SMIM13: variants seen among roughly 807,000 people sequenced by gnomAD.
SMIM13 encodes the protein UPF0766 protein C6orf228.
A neutral mutation model predicts 5.9 loss-of-function variants in SMIM13; 3 were observed. That is an observed-to-expected ratio of 0.51 (90% CI 0.23 to 1.31). The LOEUF (loss-of-function observed/expected upper bound fraction) is 1.31. SMIM13 is among the 40% of genes most tolerant of loss of function. The pLI, the probability that SMIM13 is intolerant of heterozygous loss-of-function variation, is 0.18. For missense variants in SMIM13, 85 were observed against 109.9 expected (o/e 0.77, Z 1.01); for synonymous variants, 55 against 46.0 (o/e 1.19, Z -0.79).
intron 1 of SMIM13, among the ~76,000 whole-genome samples, chr6:11,132,241 AGTCCT>A (rs1758459094): frequency 6.6e-6 from 1 of 152,202 alleles, no homozygotes. Flanking sequence ...GCCTGCTAGG[AGTCCT>A]GTAATAAAAA....
At chr6:11,104,173 T>C in intron 1 of SMIM13, 2 of 1,551,672 alleles carry the variant, frequency 1.3e-6, no homozygotes, top group Non-Finnish European at 1.7e-6. Context: ...TGGCTATAGG[T>C]GAGGGAAGCT....
chr6:11,123,970 AT>A (rs1758344549), intron 1 of SMIM13, among the ~76,000 whole-genome samples: 1 of 152,222 alleles, frequency 6.6e-6, no homozygotes, highest in South Asian at 2.1e-4. Flanking sequence ...TAAATGGGGT[AT>A]TCACTACCTC....
intron 1 of SMIM13, among the ~76,000 whole-genome samples, chr6:11,096,536 G>C (rs1036702935): frequency 6.6e-6 from 1 of 152,174 alleles, no homozygotes; most frequent in African/African-American, 2.4e-5. Context: ...CTCATCTTTT[G>C]ACTAGGATGG....
At chr6:11,108,910 G>A (rs1381824109) in intron 1 of SMIM13, among the ~76,000 whole-genome samples, 1 of 152,174 alleles carries the variant, frequency 6.6e-6, no homozygotes, top group East Asian at 1.9e-4. Context: ...AAAATGGTGA[G>A]GTTTTCATAA....
chr6:11,133,738 G>GT (rs80159629), intron 1 of SMIM13, among the ~76,000 whole-genome samples: 24,757 of 138,614 alleles, frequency 0.18, 2,240 homozygotes, highest in East Asian at 0.41. Flanking sequence ...AACAAAACTT[G>GT]TTTTTTTTTT....
At chr6:11,106,988 C>T (rs909103986) in intron 1 of SMIM13, among the ~76,000 whole-genome samples, 1 of 152,186 alleles carries the variant, frequency 6.6e-6, no homozygotes, top group Non-Finnish European at 1.5e-5. Context: ...CTTTCGTCAG[C>T]ACAGTGAGTT....
chr6:11,133,857 C>T (rs73449684), intron 1 of SMIM13, among the ~76,000 whole-genome samples: 1 of 151,412 alleles, frequency 6.6e-6, no homozygotes, highest in Non-Finnish European at 1.5e-5. Flanking sequence ...GGTGCCGTGG[C>T]TTTAGTCTTT....
chr6:11,119,434 C>A (rs1217469412), intron 1 of SMIM13, among the ~76,000 whole-genome samples: 1 of 152,100 alleles, frequency 6.6e-6, no homozygotes, highest in East Asian at 1.9e-4. Flanking sequence ...ACAGGCGAAT[C>A]ACGAGGTCAG....
chr6:11,110,449 A>G (rs553764833), intron 1 of SMIM13, among the ~76,000 whole-genome samples: 32 of 152,232 alleles, frequency 2.1e-4, no homozygotes, highest in Admixed American at 5.9e-4. Flanking sequence ...CTCATTTCCC[A>G]TGTTCTTTAA....
In SMIM13 at chr6:11,136,812, G is replaced by T. The variant is rs942404227; in HGVS notation, c.*2210G>T. Reference sequence around the variant, plus strand: ...TACTAGCTAAATATCATCTTAAAATGATTATCAGAAAAAAAAATAATGCCC... The same window carrying T: ...TACTAGCTAAATATCATCTTAAAATTATTATCAGAAAAAAAAATAATGCCC... On this transcript the variant is annotated 3_prime_UTR_variant, in exon 2 of 2. Transcript: ENST00000416247. The T allele has an allele frequency of 2.0e-5, 3 of 148,968 alleles. No homozygotes were observed. Among genetic ancestry groups the T allele is most frequent in the Non-Finnish European group, 4.5e-5 (3 of 67,194 alleles). The allele number at this position is 148,968 out of a possible 1,614,324, so 9.2% of individuals were successfully genotyped here.
chr6:11,097,567 T>C (rs6917680), intron 1 of SMIM13, among the ~76,000 whole-genome samples: 32,683 of 151,094 alleles, frequency 0.22, 3,876 homozygotes, highest in African/African-American at 0.31. Flanking sequence ...GCTCAGGAGG[T>C]TGAGGCAGGA....
At position 11,125,294 on chromosome 6, in the gene SMIM13, T is replaced by TAA. The variant is rs34260357; in HGVS notation, c.77-9091_77-9090dup. 3.0e-3 allele frequency among the ~76,000 whole-genome samples: 317 copies of TAA among 105,130 alleles called. 5 individuals are homozygous for TAA. Among genetic ancestry groups the TAA allele is most frequent in the Middle Eastern group, 0.011 (2 of 180 alleles). 69.0% of individuals were successfully genotyped at this position (105,130 alleles called of 152,430 possible). On this transcript the variant is annotated intron_variant, in intron 1 of 1. Transcript: ENST00000416247. ...TGGGCAACAGAGTGAGACTCCATCT[T>TAA]AAAAAAAAAAAAAAAAAAAGGCCTG...
intron 1 of SMIM13, among the ~76,000 whole-genome samples, chr6:11,120,382 C>A (rs535988666): frequency 6.6e-6 from 1 of 152,254 alleles, no homozygotes; most frequent in South Asian, 2.1e-4. Flanking sequence ...CTGGTGAGGG[C>A]CTGCTTCCTG....
Position 11,106,383 on chromosome 6 carries a change from C to T in SMIM13, c.76+11994C>T, listed in dbSNP as rs74887965. On this transcript the variant is annotated intron_variant, in intron 1 of 1. Transcript: ENST00000416247. ...GACTTACTGATGGAGAGGGCTTCCCCGTCTGGGGATTATTTATAGTGCACA... is the reference window on the plus strand; with the variant it reads ...GACTTACTGATGGAGAGGGCTTCCCTGTCTGGGGATTATTTATAGTGCACA... Among the ~76,000 whole-genome samples, 23 of 152,330 alleles carry T rather than the reference C, an allele frequency of 1.5e-4. No individual in the cohort carries two copies. In the East Asian group the frequency reaches 3.5e-3, roughly 23 times the overall value.
chr6:11,107,605 G>A (rs1581913540), intron 1 of SMIM13, among the ~76,000 whole-genome samples: 1 of 152,196 alleles, frequency 6.6e-6, no homozygotes, highest in African/African-American at 2.4e-5. Context: ...GATGGGTCGA[G>A]GGGGAGATAC....
intron 1 of SMIM13, among the ~76,000 whole-genome samples, chr6:11,128,360 GCCCTATTCTAGTATGGCTAAGCTGATA>G (rs2113667043): frequency 6.6e-6 from 1 of 152,238 alleles, no homozygotes; most frequent in South Asian, 2.1e-4. Flanking sequence ...TCTGCTTGGT[GCCCTATTCTAGTATGGCTAAGCTGATA>G]CCCAAGTTGC....
chr6:11,104,030 C>T, intron 1 of SMIM13: 1 of 1,551,736 alleles, frequency 6.4e-7, no homozygotes, highest in African/African-American at 1.4e-5. Context: ...AAATTCCTCC[C>T]TGTGCTGCCG....
intron 1 of SMIM13, chr6:11,104,281 G>C (rs1237268716): frequency 1.3e-6 from 2 of 1,551,724 alleles, no homozygotes; most frequent in African/African-American, 2.7e-5. Context: ...CTGGGCAACG[G>C]GGAATTCCCA....
At chr6:11,103,949 T>C in intron 1 of SMIM13, 1 of 1,551,416 alleles carries the variant, frequency 6.4e-7, no homozygotes, top group East Asian at 2.4e-5. Context: ...GATTTAGGAG[T>C]TGTCTGATGT....
Sources: allele counts gnomAD v4.1 joint callset (sites outside exome capture counted in the v4.1 genomes callset), GRCh38; gene constraint gnomAD v4.1.1; transcripts MANE v1.5; gene names NCBI Gene and HGNC (gene_info 2026-07-23, HGNC 2026-07-21).